The following RIOK1 variants were observed in gnomAD, a reference collection of about 807,000 sequenced individuals.
RIOK1 encodes the protein RIO kinase 1, also known as serine/threonine-protein kinase RIO1.
In RIOK1, 66 loss-of-function variants were observed where a neutral mutation model predicts 73.5. The observed-to-expected ratio is 0.90, with a 90% CI of 0.74 to 1.10. The LOEUF is 1.10. Ranked by LOEUF, RIOK1 falls within the 50% of genes least tolerant of loss-of-function variation. RIOK1 has a pLI of 0.00. For synonymous variants in RIOK1, 224 were observed against 226.8 expected, an observed-to-expected ratio of 0.99 and a Z score of 0.11; for missense variants, 658 against 699.8, an observed-to-expected ratio of 0.94 and a Z score of 0.67.
At position 7,414,303 on chromosome 6, in the gene RIOK1, C is replaced by T; in HGVS notation, c.1509C>T (p.Ser503=). 1 of 1,613,878 alleles carries T rather than the reference C, an allele frequency of 6.2e-7. No homozygotes were observed. The highest frequency in any genetic ancestry group is 8.5e-7 in the Non-Finnish European group (1 of 1,179,826). Residue 503 remains serine (S), a synonymous_variant, in exon 16 of 17, where the codon AGC becomes AGT. Coordinates refer to ENST00000379834, the MANE Select transcript of RIOK1 (RefSeq NM_031480.3). ...GTTCTGATTCAGAAGATATTGGAAG[C>T]TCTGAGTGCTCTGACACAGACTCTG... ...RTCSDSEDIG[S]SECSDTDSEE...
intron 12 of RIOK1, among the ~76,000 whole-genome samples, chr6:7,407,569 C>T (rs941069861): frequency 6.6e-6 from 1 of 151,786 alleles, no homozygotes; most frequent in Non-Finnish European, 1.5e-5. Context: ...ACTACAGTCT[C>T]AACCTTCTAG....
chr6:7,411,877 A>C (rs1423473969), intron 14 of RIOK1, among the ~76,000 whole-genome samples: 1 of 152,238 alleles, frequency 6.6e-6, no homozygotes, highest in Non-Finnish European at 1.5e-5. Flanking sequence ...AAGAGAGAAA[A>C]AAATTCACCC....
intron 10 of RIOK1, 38 bp from the exon 11 acceptor site, chr6:7,404,880 T>A: frequency 6.6e-7 from 1 of 1,512,048 alleles, no homozygotes; most frequent in South Asian, 1.1e-5. Context: ...CATAGTAAAG[T>A]AATACCATCC....
intron 1 of RIOK1, among the ~76,000 whole-genome samples, chr6:7,390,557 G>A (rs1761306795): frequency 6.6e-6 from 1 of 152,162 alleles, no homozygotes; most frequent in Admixed American, 6.5e-5. Context: ...ATACCAAGTG[G>A]TGACTGAATG....
chr6:7,394,375 A>G (rs1761419153), intron 2 of RIOK1, among the ~76,000 whole-genome samples: 1 of 152,238 alleles, frequency 6.6e-6, no homozygotes, highest in Non-Finnish European at 1.5e-5. Context: ...CGGAGGTTGC[A>G]GTGAGCCAAG....
chr6:7,414,096 T>C (rs1761945643), intron 15 of RIOK1, 142 bp from the exon 16 acceptor site: 1 of 666,048 alleles, frequency 1.5e-6, no homozygotes, highest in African/African-American at 1.9e-5. Flanking sequence ...TTCTGGTGTT[T>C]TGATGTTTCA....
At chr6:7,407,613 C>G (rs1281760962) in intron 12 of RIOK1, among the ~76,000 whole-genome samples, 1 of 151,954 alleles carries the variant, frequency 6.6e-6, no homozygotes, top group Non-Finnish European at 1.5e-5. Context: ...GCTGCTTCAG[C>G]CTGCTGAGAC....
chr6:7,409,308 A>T (rs1761830388), intron 12 of RIOK1, among the ~76,000 whole-genome samples: 1 of 149,738 alleles, frequency 6.7e-6, no homozygotes, highest in Non-Finnish European at 1.5e-5. Flanking sequence ...ATGCTGGAGT[A>T]CAGTGGCACG....
chr6:7,402,857 G>T lies in RIOK1; in HGVS notation c.727G>T (p.Val243Leu), dbSNP rs570987208. 1 of 1,613,934 alleles carries T rather than the reference G, an allele frequency of 6.2e-7. No individual in the cohort carries two copies. Among genetic ancestry groups the T allele is most frequent in the Non-Finnish European group, 8.5e-7 (1 of 1,179,912 alleles). ...TTGTAAAGGAAACCCTAGGAAAATG[G>T]TGAAAACTTGGGCAGAAAAAGAAAT... ...GYCKGNPRKM[V>L]KTWAEKEMRN... is the part of the protein sequence containing the mutation. The change falls in exon 8 of 17, where the codon GTG becomes TTG. Residue 243 changes from valine (V) to leucine (L), a missense_variant. Transcript: ENST00000379834.
Position 7,410,395 on chromosome 6 carries a change from A to G in RIOK1, c.1213A>G (p.Ile405Val), listed in dbSNP as rs1244581171. Residue 405 changes from isoleucine to valine, a missense_variant, in exon 13 of 17, where the codon ATA becomes GTA. Transcript: ENST00000379834. The part of the protein sequence containing the change: ...MDAYLSKAME[I>V]ASQRTKEERS... ...TTGTTTTCTTTCCAAGGCCATGGAA[A>G]TAGCATCTCAAAGGACCAAGGAAGA... 1.2e-6 allele frequency: 2 copies of G among 1,611,930 alleles called. No homozygotes were observed. Among genetic ancestry groups the G allele is most frequent in the South Asian group, 1.1e-5 (1 of 91,006 alleles).
chr6:7,404,502 A>G lies in RIOK1; in HGVS notation c.939A>G (p.Arg313=), dbSNP rs1391903531. ...LYLQVIQYMR[R]MYQDARLVHA... ...TGCAGGTCATTCAGTACATGAGAAG[A>G]ATGTATCAGGATGCCAGACTTGTCC... Residue 313 remains arginine, a synonymous_variant, in exon 10 of 17, where the codon AGA becomes AGG. Transcript: ENST00000379834. 9 of 1,614,058 alleles carry G rather than the reference A, an allele frequency of 5.6e-6. No homozygotes were observed. The highest frequency in any genetic ancestry group is 7.6e-6 in the Non-Finnish European group (9 of 1,180,032).
At chr6:7,408,993 T>A (rs1761819029) in intron 12 of RIOK1, among the ~76,000 whole-genome samples, 1 of 151,916 alleles carries the variant, frequency 6.6e-6, no homozygotes, top group Non-Finnish European at 1.5e-5. Flanking sequence ...AGTGCTGGGA[T>A]CATAGGTGTG....
chr6:7,407,330 A>G (rs1033944710), intron 12 of RIOK1, among the ~76,000 whole-genome samples: 3 of 151,802 alleles, frequency 2.0e-5, no homozygotes, highest in Admixed American at 6.6e-5. Context: ...AACACCTATT[A>G]TTTTGTTTTT....
intron 5 of RIOK1, among the ~76,000 whole-genome samples, 172 bp downstream of exon 5, chr6:7,398,912 T>C: frequency 6.6e-6 from 1 of 152,242 alleles, no homozygotes; most frequent in Non-Finnish European, 1.5e-5. Flanking sequence ...CTTGCTTTTA[T>C]AGGACTATTG....
chr6:7,413,084 C>T (rs1192792945), intron 15 of RIOK1, 142 bp downstream of exon 15: 11 of 465,388 alleles, frequency 2.4e-5, no homozygotes, highest in Non-Finnish European at 4.1e-5. Context: ...TAATTGCTTT[C>T]AAAGTCTGTG....
chr6:7,393,199 G>A lies in RIOK1; in HGVS notation c.172G>A (p.Glu58Lys). ...NENGEGEIED[E>K]EEEGYDDDDD... ...GAATGGTGAAGGTGAAATAGAAGATGAGGAGGAGGAGGGTTATGACGATGA... is the reference window on the plus strand; with the variant it reads ...GAATGGTGAAGGTGAAATAGAAGATAAGGAGGAGGAGGGTTATGACGATGA... Residue 58 changes from glutamate (E) to lysine (K), a missense_variant, in exon 2 of 17, where the codon GAG becomes AAG. Glu to Lys is a moderately conservative substitution (Grantham distance 56). Coordinates refer to ENST00000379834, the MANE Select transcript of RIOK1 (RefSeq NM_031480.3). The A allele has an allele frequency of 6.2e-7, 1 of 1,608,776 alleles. No individual in the cohort carries two copies.
chr6:7,395,224 G>T (rs147946866), intron 3 of RIOK1, 81 bp downstream of exon 3: 6 of 1,480,962 alleles, frequency 4.1e-6, no homozygotes, highest in African/African-American at 2.8e-5. Context: ...ATTAGATCAA[G>T]AAATGAAGGC....
At chr6:7,405,445 A>C (rs1761722514) in intron 12 of RIOK1, 90 bp downstream of exon 12, 1 of 769,050 alleles carries the variant, frequency 1.3e-6, no homozygotes. Context: ...AGTGTTTTGG[A>C]TTTTGGATTT....
intron 9 of RIOK1, 134 bp downstream of exon 9, chr6:7,404,161 A>G: frequency 1.3e-6 from 1 of 763,900 alleles, no homozygotes; most frequent in East Asian, 2.5e-5. Context: ...AATAAGTGTT[A>G]TCAATGTATT....
Sources: gnomAD v4.1 joint callset for allele counts (sites outside exome capture counted in the v4.1 genomes callset) on GRCh38, gnomAD v4.1.1 for gene constraint, MANE v1.5 for transcripts, NCBI Gene and HGNC (gene_info 2026-07-23, HGNC 2026-07-21) for gene names.